Variants in P4HB observed in about 807,000 individuals in gnomAD.
P4HB encodes prolyl 4-hydroxylase subunit beta.
In P4HB, 20 loss-of-function variants were observed where a neutral mutation model predicts 52.6. That is an observed-to-expected ratio of 0.38 (90% CI 0.27 to 0.55). P4HB has a LOEUF of 0.55. P4HB is among the 20% of genes least tolerant of loss of function. The pLI is 0.74. For missense variants in P4HB, 601 were observed against 669.2 expected (o/e 0.90, Z 1.12); for synonymous variants, 296 against 277.9 (o/e 1.07, Z -0.65).
intron 4 of P4HB, among the ~76,000 whole-genome samples, chr17:81,848,773 A>G (rs1485759908): frequency 7.1e-6 from 1 of 140,892 alleles, no homozygotes; most frequent in African/African-American, 2.6e-5. Flanking sequence ...GGCCAGGTGC[A>G]GTGGCTCACA....
chr17:81,843,337 A>T lies in P4HB; in HGVS notation c.*675T>A. The stretch of plus-strand genomic sequence containing the variant: ...CCACAGGCCGTGCTGTAGAGAGGCC[A>T]GTGGTCACAATGAGCCCACGACAGG... On this transcript the variant is annotated 3_prime_UTR_variant, in exon 11 of 11. Transcript: ENST00000331483. The T allele has an allele frequency of 2.5e-6, 1 of 396,316 alleles. No individual in the cohort carries two copies. The highest frequency in any genetic ancestry group is 4.4e-6 in the Non-Finnish European group (1 of 225,192). 24.5% of individuals were successfully genotyped at this position (396,316 alleles called of 1,614,324 possible). A position where few individuals can be genotyped will look rare whatever the true frequency, so the allele number is the denominator to read the frequency against.
rs746897623 is a variant in P4HB, at chr17:81,845,346, G to A, written c.1360-116C>T. ...AGGCCCGGTCCGGTGGCTCACACCCGGAATCCAGCACATTGGGAGTTCAAA... is the reference window on the plus strand; with the variant it reads ...AGGCCCGGTCCGGTGGCTCACACCCAGAATCCAGCACATTGGGAGTTCAAA... On this transcript the variant is annotated intron_variant, in intron 9 of 10. Transcript: ENST00000331483. 9.3e-5 allele frequency: 88 copies of A among 947,010 alleles called. 1 individual carries two copies. Among genetic ancestry groups the A allele is most frequent in the South Asian group, 6.5e-4 (46 of 71,096 alleles). The allele number at this position is 947,010 out of a possible 1,614,324, so 58.7% of individuals were successfully genotyped here. A position where few individuals can be genotyped will look rare whatever the true frequency, so the allele number is the denominator to read the frequency against.
chr17:81,860,188 C>G, intron 1 of P4HB, 139 bp downstream of exon 1: 2 of 703,766 alleles, frequency 2.8e-6, no homozygotes, highest in Non-Finnish European at 4.1e-6. Context: ...ACATGGCCCC[C>G]AAGGCGGGCA....
Position 81,844,063 on chromosome 17 carries a change from C to G in P4HB, c.1476G>C (p.Glu492Asp). Reference sequence around the variant, plus strand: ...GATCATCGTCTTCCTCCATGTCTGGCTCCTCTGCTTCTTCCAGGTCCTCGA... The same window carrying G: ...GATCATCGTCTTCCTCCATGTCTGGGTCCTCTGCTTCTTCCAGGTCCTCGA... ...DDLEDLEEAE[E>D]PDMEEDDDQK... The change falls in exon 11 of 11, where the codon GAG (glutamate) becomes GAC (aspartate). Residue 492 changes from glutamate to aspartate, a missense_variant. Glu to Asp is a conservative substitution (Grantham distance 45). Transcript: ENST00000331483. The G allele has an allele frequency of 6.2e-7, 1 of 1,613,768 alleles. No homozygotes were observed. The highest frequency in any genetic ancestry group is 1.1e-5 in the South Asian group (1 of 91,072).
Position 81,857,713 on chromosome 17 carries a change from C to A in P4HB, c.352+1468G>T, listed in dbSNP as rs2038933235. 2.6e-5 allele frequency among the ~76,000 whole-genome samples: 4 copies of A among 152,158 alleles called. No homozygotes were observed. The South Asian group carries it at 8.3e-4, about 32-fold the overall frequency. On this transcript the variant is annotated intron_variant, in intron 2 of 10. Coordinates refer to ENST00000331483, the MANE Select transcript of P4HB (RefSeq NM_000918.4). ...AGGAAGAAGATGACACACTTTTATG[C>A]CACCAAAGGCGGTCAACTGACAGGA...
Position 81,855,561 on chromosome 17 carries a change from C to T in P4HB, c.378G>A (p.Val126=), listed in dbSNP as rs368633209. 7.4e-6 allele frequency: 12 copies of T among 1,613,814 alleles called. No homozygotes were observed. Among genetic ancestry groups the T allele is most frequent in the Non-Finnish European group, 8.5e-6 (10 of 1,179,982 alleles). The change falls in exon 3 of 11, where the codon GTG becomes GTA. Residue 126 remains valine, a synonymous_variant. Transcript: ENST00000331483. This position sits in a 1 kb window ranked among gnomAD's most constrained non-coding sequence, Gnocchi z 4.3. ...GGCCCGTGCGCTTCTTCAGCCAGTT[C>T]ACGATGTCATCAGCCTCTCTGCCAG... The part of the protein sequence containing the change: ...YTAGREADDI[V]NWLKKRTGPA...
At chr17:81,860,135 C>A (rs2038975511) in intron 1 of P4HB, 192 bp downstream of exon 1, 2 of 426,508 alleles carry the variant, frequency 4.7e-6, no homozygotes, top group East Asian at 3.8e-5. Flanking sequence ...ATCGGGACGG[C>A]CCCCCGGCTC....
intron 4 of P4HB, among the ~76,000 whole-genome samples, chr17:81,849,312 A>G (rs879681143): frequency 6.6e-6 from 1 of 151,784 alleles, no homozygotes. Flanking sequence ...CTAATCCAAC[A>G]TGGTAAAACG....
Position 81,845,760 on chromosome 17 carries a change from C to G in P4HB, c.1178-18G>C, listed in dbSNP as rs772898869. 1 of 1,613,014 alleles carries G rather than the reference C, an allele frequency of 6.2e-7. No individual in the cohort carries two copies. The highest frequency in any genetic ancestry group is 1.3e-5 in the African/African-American group (1 of 75,038). On this transcript the variant is annotated intron_variant, in intron 8 of 10. Coordinates refer to ENST00000331483, the MANE Select transcript of P4HB (RefSeq NM_000918.4). ...TGGGGCATCTGAAAAGAAAGCAGTT[C>G]TAGGGTGTGTCCTGGACACAAAGCC...
At chr17:81,852,384 C>G (rs947322617) in intron 4 of P4HB, among the ~76,000 whole-genome samples, 3 of 152,180 alleles carry the variant, frequency 2.0e-5, no homozygotes, top group Non-Finnish European at 4.4e-5. Flanking sequence ...CCCACTGTGG[C>G]CACTGCACAC....
At position 81,846,607 on chromosome 17, in the gene P4HB, C is replaced by T; in HGVS notation, c.878G>A (p.Ser293Asn). The T allele has an allele frequency of 2.5e-6, 4 of 1,613,968 alleles. No individual in the cohort carries two copies. Among genetic ancestry groups the T allele is most frequent in the Non-Finnish European group, 3.4e-6 (4 of 1,180,032 alleles). Residue 293 changes from serine (S) to asparagine (N), a missense_variant, in exon 7 of 11, where the codon AGC (serine) becomes AAC (asparagine). Ser to Asn is a conservative substitution (Grantham distance 46). Coordinates refer to ENST00000331483, the MANE Select transcript of P4HB (RefSeq NM_000918.4). This position sits in a 1 kb window ranked among gnomAD's most constrained non-coding sequence, Gnocchi z 5.7. Reference sequence around the variant, plus strand: ...GATGCGCTGGTTGTCGGTGTGGTCGCTGTCGATGAAGATGAACAGGATCTG... The same window carrying T: ...GATGCGCTGGTTGTCGGTGTGGTCGTTGTCGATGAAGATGAACAGGATCTG... ...KGKILFIFID[S>N]DHTDNQRILE... is the part of the protein sequence containing the mutation.
intron 4 of P4HB, among the ~76,000 whole-genome samples, chr17:81,852,611 C>T (rs530961822): frequency 5.3e-5 from 8 of 152,370 alleles, no homozygotes; most frequent in Non-Finnish European, 1.2e-4. Flanking sequence ...GGCAGGAAAG[C>T]GCCACCCACC....
In P4HB at chr17:81,855,075, G is replaced by A. The variant is rs906719906; in HGVS notation, c.624+67C>T. ...AGCAAGGTTCCCTTAACGATAAGGAGAGCAACGCCACCCTCTGCAGACCAA... is the reference window on the plus strand; with the variant it reads ...AGCAAGGTTCCCTTAACGATAAGGAAAGCAACGCCACCCTCTGCAGACCAA... On this transcript the variant is annotated intron_variant, in intron 4 of 10. Coordinates refer to ENST00000331483, the MANE Select transcript of P4HB (RefSeq NM_000918.4). The surrounding 1 kb of genome is among the most constrained non-coding windows in gnomAD (Gnocchi z 4.3). The A allele has an allele frequency of 8.6e-6, 13 of 1,509,526 alleles. No individual in the cohort carries two copies. The highest frequency in any genetic ancestry group is 8.2e-5 in the African/African-American group (6 of 72,794). The allele number at this position is 1,509,526 out of a possible 1,614,324, so 93.5% of individuals were successfully genotyped here.
chr17:81,858,070 G>A (rs545122205), intron 2 of P4HB, among the ~76,000 whole-genome samples: 1 of 151,830 alleles, frequency 6.6e-6, no homozygotes, highest in African/African-American at 2.4e-5. Context: ...GGTCACGATC[G>A]AGACCATCCT....
chr17:81,849,540 T>C (rs186376554), intron 4 of P4HB, among the ~76,000 whole-genome samples: 1 of 152,272 alleles, frequency 6.6e-6, no homozygotes, highest in East Asian at 1.9e-4. Flanking sequence ...AACGATTTTT[T>C]ACATTCTTAG....
intron 4 of P4HB, among the ~76,000 whole-genome samples, chr17:81,850,324 G>A (rs770170652): frequency 2.0e-5 from 3 of 150,530 alleles, no homozygotes; most frequent in Non-Finnish European, 3.0e-5. Context: ...TAGAGATGGA[G>A]TTTCTTTCTC....
chr17:81,853,750 G>A (rs925534596), intron 4 of P4HB, among the ~76,000 whole-genome samples: 7 of 152,044 alleles, frequency 4.6e-5, no homozygotes, highest in South Asian at 4.2e-4. Flanking sequence ...GATCGCCCCC[G>A]GCCGCCCTCC....
At position 81,846,338 on chromosome 17, in the gene P4HB, T is replaced by G. The variant is rs2038735007; in HGVS notation, c.1056+91A>C. On this transcript the variant is annotated intron_variant, in intron 7 of 10. Coordinates refer to ENST00000331483, the MANE Select transcript of P4HB (RefSeq NM_000918.4). The surrounding 1 kb of genome is among the most constrained non-coding windows in gnomAD (Gnocchi z 5.7). Reference sequence around the variant, plus strand: ...TCCTCTTACTCTGAAGATCTTACTTTGAGGACGAAGCCCAGGACACTGAGA... The same window carrying G: ...TCCTCTTACTCTGAAGATCTTACTTGGAGGACGAAGCCCAGGACACTGAGA... 2 of 1,189,530 alleles carry G rather than the reference T, an allele frequency of 1.7e-6. No individual in the cohort carries two copies. The highest frequency in any genetic ancestry group is 1.5e-5 in the African/African-American group (1 of 66,238). 73.7% of individuals were successfully genotyped at this position (1,189,530 alleles called of 1,614,324 possible).
Position 81,845,127 on chromosome 17 carries a change from G to A in P4HB, c.1446+17C>T, listed in dbSNP as rs1381297667. The A allele has an allele frequency of 6.3e-7, 1 of 1,592,174 alleles. No individual in the cohort carries two copies. The highest frequency in any genetic ancestry group is 1.1e-5 in the South Asian group (1 of 89,996). On this transcript the variant is annotated intron_variant, in intron 10 of 10. Coordinates refer to ENST00000331483, the MANE Select transcript of P4HB (RefSeq NM_000918.4). Reference sequence around the variant, plus strand: ...GCTGAATCCCAGAGACCAGCCCAGGGCTGTGACCCCACTCACGTCATCATC... The same window carrying A: ...GCTGAATCCCAGAGACCAGCCCAGGACTGTGACCCCACTCACGTCATCATC...
Sources: gnomAD v4.1 joint callset for allele counts (sites outside exome capture counted in the v4.1 genomes callset) on GRCh38, gnomAD v4.1.1 for gene constraint, Gnocchi (gnomAD v3.1) non-coding constraint, MANE v1.5 for transcripts, NCBI Gene and HGNC (gene_info 2026-07-23, HGNC 2026-07-21) for gene names.